The following FAT3 variants were observed in gnomAD, a reference collection of about 807,000 sequenced individuals.
The protein encoded by FAT3 is protocadherin Fat 3.
FAT3 carries 95 observed loss-of-function variants against 310.2 expected under a neutral mutation model. The observed-to-expected ratio is 0.31, with a 90% CI of 0.26 to 0.36. The LOEUF is 0.36. Ranked by LOEUF, FAT3 falls within the 10% of genes least tolerant of loss-of-function variation. The pLI, the probability that FAT3 is intolerant of heterozygous loss-of-function variation, is 1.00. For missense variants in FAT3, 5,408 were observed against 5,715.6 expected (o/e 0.95, Z 1.74); for synonymous variants, 2,314 against 2,192.9 (o/e 1.06, Z -1.54).
intron 1 of FAT3, among the ~76,000 whole-genome samples, chr11:92,295,880 C>T (rs1946834678): frequency 6.6e-6 from 1 of 152,098 alleles, no homozygotes; most frequent in Non-Finnish European, 1.5e-5. Flanking sequence ...TATAGAACTT[C>T]CAGGATGGGA....
At chr11:92,396,464 T>C (rs545456165) in intron 2 of FAT3, among the ~76,000 whole-genome samples, 280 of 152,306 alleles carry the variant, frequency 1.8e-3, no homozygotes, top group Non-Finnish European at 2.9e-3. Context: ...AGATCCCGTC[T>C]ACATGTATGG....
At chr11:92,791,370 G>A (rs1210696692) in intron 8 of FAT3, among the ~76,000 whole-genome samples, 1 of 152,162 alleles carries the variant, frequency 6.6e-6, no homozygotes, top group East Asian at 1.9e-4. Context: ...TGGTCCTTGG[G>A]TATGGCAGAC....
At chr11:92,506,185 ATTTT>A (rs1953094052) in intron 2 of FAT3, among the ~76,000 whole-genome samples, 5 of 152,246 alleles carry the variant, frequency 3.3e-5, no homozygotes, top group African/African-American at 9.6e-5. Flanking sequence ...CACATTTTGC[ATTTT>A]TGCAAACCTT....
Position 92,801,139 on chromosome 11 carries a change from C to T in FAT3, c.8126C>T (p.Thr2709Ile), listed in dbSNP as rs771514446. Residue 2709 changes from threonine to isoleucine, a missense_variant, in exon 10 of 28, where the codon ACC (threonine) becomes ATC (isoleucine). Around this residue, in one of 5 missense-constraint regions of FAT3, gnomAD observed 4,588 missense variants for 4,809.8 expected, o/e 0.95. Coordinates refer to ENST00000525166, the MANE Select transcript of FAT3 (RefSeq NM_001367949.2). ...LPPETFLPSF[T>I]QSQYSFTIAE... ...CCTGAAACGTTCTTGCCATCATTCACCCAGTCTCAGTATTCCTTTACCATT... is the reference window on the plus strand; with the variant it reads ...CCTGAAACGTTCTTGCCATCATTCATCCAGTCTCAGTATTCCTTTACCATT... The T allele has an allele frequency of 4.3e-6, 7 of 1,613,816 alleles. No individual in the cohort carries two copies. The highest frequency in any genetic ancestry group is 1.6e-4 in the Middle Eastern group (1 of 6,084).
At chr11:92,631,347 A>G (rs1002793460) in intron 3 of FAT3, among the ~76,000 whole-genome samples, 5 of 152,100 alleles carry the variant, frequency 3.3e-5, no homozygotes, top group African/African-American at 9.7e-5. Context: ...ATCTTTCAGA[A>G]TGGAGGGTGA....
chr11:92,241,929 G>C (rs1275764448), intron 1 of FAT3, among the ~76,000 whole-genome samples: 3 of 152,004 alleles, frequency 2.0e-5, no homozygotes, highest in Non-Finnish European at 4.4e-5. Flanking sequence ...ATACAAAGCT[G>C]TCAAGACACT....
In FAT3 at chr11:92,513,063, A is replaced by C. The variant is rs1310016025; in HGVS notation, c.3293-11571A>C. 4.6e-5 allele frequency among the ~76,000 whole-genome samples: 2 copies of C among 43,066 alleles called. 1 individual carries two copies. Among genetic ancestry groups the C allele is most frequent in the African/African-American group, 2.7e-4 (2 of 7,496 alleles). The allele number at this position is 43,066 out of a possible 152,430, so 28.3% of individuals were successfully genotyped here. On this transcript the variant is annotated intron_variant, in intron 2 of 27. Transcript: ENST00000525166. Reference sequence around the variant, plus strand: ...CGTGAACCCGGGAGGCGGAGCTTGCAGTGAGCCGAGATCGCGCCACTGCAC... The same window carrying C: ...CGTGAACCCGGGAGGCGGAGCTTGCCGTGAGCCGAGATCGCGCCACTGCAC...
At chr11:92,422,353 T>C (rs1478662227) in intron 2 of FAT3, among the ~76,000 whole-genome samples, 1 of 152,254 alleles carries the variant, frequency 6.6e-6, no homozygotes, top group African/African-American at 2.4e-5. Flanking sequence ...TTCTTGCTCA[T>C]ACTTCGCTGA....
intron 17 of FAT3, among the ~76,000 whole-genome samples, chr11:92,840,089 GCCAGGATGTC>G (rs1434831606): frequency 6.6e-6 from 1 of 152,124 alleles, no homozygotes; most frequent in Non-Finnish European, 1.5e-5. Context: ...CTAGGAAGTT[GCCAGGATGTC>G]CCCCCAAAAA....
intron 2 of FAT3, among the ~76,000 whole-genome samples, chr11:92,370,076 G>C (rs1949143829): frequency 6.6e-6 from 1 of 152,114 alleles, no homozygotes; most frequent in South Asian, 2.1e-4. Context: ...CTTTCACTCA[G>C]ACTCATTCTC....
chr11:92,590,171 GT>G (rs1939355635), intron 3 of FAT3, among the ~76,000 whole-genome samples: 1 of 152,082 alleles, frequency 6.6e-6, no homozygotes, highest in Admixed American at 6.6e-5. Flanking sequence ...GTCCAGGGAA[GT>G]TACTCATAAG....
Position 92,339,692 on chromosome 11 carries a change from G to T in FAT3, c.-17-12404G>T, listed in dbSNP as rs1463224026. On this transcript the variant is annotated intron_variant, in intron 1 of 27. Coordinates refer to ENST00000525166, the MANE Select transcript of FAT3 (RefSeq NM_001367949.2). The stretch of plus-strand genomic sequence containing the variant: ...GACTCTGTGCATGTTTTTATAATGG[G>T]AAATCAGGGCAGGGGAAGCCAGTTG... 3.3e-5 allele frequency among the ~76,000 whole-genome samples: 5 copies of T among 152,086 alleles called. No homozygotes were observed. The East Asian group carries it at 5.8e-4, about 18-fold the overall frequency.
intron 3 of FAT3, among the ~76,000 whole-genome samples, chr11:92,631,890 C>A (rs1314201192): frequency 1.3e-5 from 2 of 152,130 alleles, no homozygotes; most frequent in Non-Finnish European, 2.9e-5. Flanking sequence ...ATTATGGAAG[C>A]CACTGAGCTT....
intron 3 of FAT3, among the ~76,000 whole-genome samples, chr11:92,615,823 T>C (rs906919477): frequency 6.6e-6 from 1 of 152,242 alleles, no homozygotes; most frequent in Non-Finnish European, 1.5e-5. Context: ...CTAGTTTGAT[T>C]GCACTGTGGT....
chr11:92,649,258 C>A (rs1158451822), intron 3 of FAT3, among the ~76,000 whole-genome samples: 2 of 152,100 alleles, frequency 1.3e-5, no homozygotes, highest in Non-Finnish European at 2.9e-5. Flanking sequence ...ACTATAGATA[C>A]CTTAGGATAG....
intron 2 of FAT3, among the ~76,000 whole-genome samples, chr11:92,435,784 C>G (rs998499013): frequency 5.3e-5 from 8 of 152,150 alleles, no homozygotes; most frequent in Non-Finnish European, 8.8e-5. Flanking sequence ...CCAAGCTGGT[C>G]TTGAACTCCC....
intron 4 of FAT3, among the ~76,000 whole-genome samples, chr11:92,737,594 G>C (rs1056346590): frequency 2.0e-5 from 3 of 151,910 alleles, no homozygotes; most frequent in Non-Finnish European, 2.9e-5. Flanking sequence ...ACACAATAAA[G>C]TCATGAGGAT....
intron 3 of FAT3, among the ~76,000 whole-genome samples, chr11:92,557,955 T>C (rs1405074184): frequency 6.6e-6 from 1 of 152,192 alleles, no homozygotes; most frequent in East Asian, 1.9e-4. Context: ...TTGCCACATA[T>C]TATATGAGCC....
chr11:92,706,028 TA>T (rs1421509316), intron 4 of FAT3, among the ~76,000 whole-genome samples: 5 of 151,418 alleles, frequency 3.3e-5, no homozygotes, highest in African/African-American at 1.2e-4. Flanking sequence ...GTTGTGACTA[TA>T]GTGGTGGCAG....
Sources: allele counts gnomAD v4.1 joint callset (sites outside exome capture counted in the v4.1 genomes callset), GRCh38; gene constraint gnomAD v4.1.1; regional missense constraint gnomAD v4.1.1; transcripts MANE v1.5; gene names NCBI Gene and HGNC (gene_info 2026-07-23, HGNC 2026-07-21).